XXYLT1: variants seen among roughly 807,000 people sequenced by gnomAD.
XXYLT1 encodes xyloside xylosyltransferase 1, also known as UDP-xylose:alpha-xyloside alpha-1,3-xylosyltransferase.
XXYLT1 carries 20 observed loss-of-function variants against 28.9 expected under a neutral mutation model. The ratio of observed to expected loss-of-function variants is 0.69; its 90% CI spans 0.49 to 1.00. The LOEUF is 1.00. XXYLT1 is among the 50% of genes least tolerant of loss of function. The pLI is 0.00. For synonymous variants in XXYLT1, 257 were observed against 253.8 expected (o/e 1.01, Z -0.12); for missense variants, 542 against 560.1 (o/e 0.97, Z 0.33).
intron 2 of XXYLT1, among the ~76,000 whole-genome samples, chr3:195,194,983 G>A (rs922417187): frequency 6.6e-5 from 10 of 152,182 alleles, no homozygotes; most frequent in African/African-American, 2.2e-4. Flanking sequence ...AATTGTGGTC[G>A]TGGTTACATA....
At position 195,168,343 on chromosome 3, in the gene XXYLT1, G is replaced by A. The variant is rs183531986; in HGVS notation, c.653-11762C>T. 1.0e-3 allele frequency among the ~76,000 whole-genome samples: 157 copies of A among 152,264 alleles called. 2 individuals carry two copies. The highest frequency in any genetic ancestry group is 4.4e-4 in the Non-Finnish European group (30 of 68,014). ...AGACACAGGAGATATACTCTACTGC[G>A]TTGTTCTCACCCATGCCCAGCTAAG... On this transcript the variant is annotated intron_variant, in intron 2 of 3. Coordinates refer to ENST00000310380, the MANE Select transcript of XXYLT1 (RefSeq NM_152531.5). The surrounding 1 kb of genome is among the most constrained non-coding windows in gnomAD (Gnocchi z 4.3).
intron 3 of XXYLT1, among the ~76,000 whole-genome samples, chr3:195,149,025 A>G (rs955570902): frequency 2.0e-5 from 3 of 152,218 alleles, no homozygotes; most frequent in Admixed American, 6.5e-5. Context: ...TGGGGCATCC[A>G]GAAATATTAC....
chr3:195,086,138 AGCTGGCCGC>A lies in XXYLT1; in HGVS notation c.786-16036_786-16028del, dbSNP rs1354051457. On this transcript the variant is annotated intron_variant, in intron 3 of 3. Transcript: ENST00000310380. ...CCAGCTTGCCCCCAGCCTGCCCCAC[AGCTGGCCGC>A]GCTGTGTGCCTCGAAGCCTTACAGC... 2.0e-5 allele frequency: 3 copies of A among 152,336 alleles called. No homozygotes were observed. In the East Asian group the frequency reaches 5.8e-4, roughly 29 times the overall value. The allele number at this position is 152,336 out of a possible 1,614,324, so 9.4% of individuals were successfully genotyped here. A position where few individuals can be genotyped will look rare whatever the true frequency, so the allele number is the denominator to read the frequency against.
chr3:195,260,341 GC>G (rs1725649545), intron 1 of XXYLT1, among the ~76,000 whole-genome samples: 1 of 152,018 alleles, frequency 6.6e-6, no homozygotes, highest in Non-Finnish European at 1.5e-5. Flanking sequence ...CAGACGGGGG[GC>G]CCCGTGCTGA....
chr3:195,263,541 C>G (rs960754070), intron 1 of XXYLT1, among the ~76,000 whole-genome samples: 1 of 152,200 alleles, frequency 6.6e-6, no homozygotes. Flanking sequence ...GCGCCCCTCA[C>G]GCTGTGCCCC....
In XXYLT1 at chr3:195,271,101, G is replaced by A. The variant is rs1178819662; in HGVS notation, c.-43C>T. Reference sequence around the variant, plus strand: ...CGCCAGCGGTGCCAGCAACGCGGGAGAGCCCTCGGGTACCCGGACGCCGGC... The same window carrying A: ...CGCCAGCGGTGCCAGCAACGCGGGAAAGCCCTCGGGTACCCGGACGCCGGC... On this transcript the variant is annotated 5_prime_UTR_variant, in exon 1 of 4. Coordinates refer to ENST00000310380, the MANE Select transcript of XXYLT1 (RefSeq NM_152531.5). 1.5e-6 allele frequency: 2 copies of A among 1,290,470 alleles called. No individual in the cohort carries two copies. The highest frequency in any genetic ancestry group is 2.4e-5 in the South Asian group (1 of 42,296). 79.9% of individuals were successfully genotyped at this position (1,290,470 alleles called of 1,614,324 possible). A position where few individuals can be genotyped will look rare whatever the true frequency, so the allele number is the denominator to read the frequency against.
Position 195,180,896 on chromosome 3 carries a change from T to C in XXYLT1, c.653-24315A>G, listed in dbSNP as rs1721918336. Among the ~76,000 whole-genome samples the C allele has an allele frequency of 6.6e-6, 1 of 152,190 alleles. No individual in the cohort carries two copies. Among genetic ancestry groups the C allele is most frequent in the South Asian group, 2.1e-4 (1 of 4,826 alleles). On this transcript the variant is annotated intron_variant, in intron 2 of 3. Transcript: ENST00000310380. The surrounding 1 kb of genome is among the most constrained non-coding windows in gnomAD (Gnocchi z 5.8). The stretch of plus-strand genomic sequence containing the variant: ...CCTTTAGCTATACAAAAGTAAGTGG[T>C]ATGGTTCATCCCTTCTTGGCTAATG...
intron 3 of XXYLT1, among the ~76,000 whole-genome samples, chr3:195,081,998 C>T (rs866781112): frequency 6.6e-6 from 1 of 152,218 alleles, no homozygotes; most frequent in African/African-American, 2.4e-5. Context: ...TTCCGGGGGG[C>T]GATCACTGAA....
At chr3:195,267,717 C>G (rs1484091079) in intron 1 of XXYLT1, among the ~76,000 whole-genome samples, 1 of 152,068 alleles carries the variant, frequency 6.6e-6, no homozygotes, top group Non-Finnish European at 1.5e-5. Context: ...AGGAACAGTG[C>G]TTGGAGTTTG....
chr3:195,245,053 C>T (rs1234179945), intron 1 of XXYLT1, among the ~76,000 whole-genome samples: 1 of 151,076 alleles, frequency 6.6e-6, no homozygotes, highest in Non-Finnish European at 1.5e-5. Context: ...GTAATCCCAG[C>T]TACTCAGGAG....
rs114945600 is a variant in XXYLT1 at position 195,259,501 on chromosome 3, C to T, written c.504+11054G>A. 4.7e-3 allele frequency: 4,291 copies of T among 910,804 alleles called. 157 individuals carry two copies. The African/African-American group carries it at 0.068, about 14-fold the overall frequency. 56.4% of individuals were successfully genotyped at this position (910,804 alleles called of 1,614,324 possible). A position where few individuals can be genotyped will look rare whatever the true frequency, so the allele number is the denominator to read the frequency against. ...TGAGGAAGGGCAGCAGGGAGGCCTT[C>T]GGGCCCTGCCAGGCGGCCCTTCCAG... On this transcript the variant is annotated intron_variant, in intron 1 of 3. Transcript: ENST00000310380.
chr3:195,138,857 G>GA (rs552573280), intron 3 of XXYLT1, among the ~76,000 whole-genome samples: 284 of 84,004 alleles, frequency 3.4e-3, no homozygotes, highest in Middle Eastern at 0.017. Flanking sequence ...TCTGCCTCAG[G>GA]AAAAAAAAAA....
Position 195,271,108 on chromosome 3 carries a change from C to T in XXYLT1, c.-50G>A. ...GGTGCCAGCAACGCGGGAGAGCCCT[C>T]GGGTACCCGGACGCCGGCGGCCACT... On this transcript the variant is annotated 5_prime_UTR_variant, in exon 1 of 4. Transcript: ENST00000310380. 4 of 1,284,114 alleles carry T rather than the reference C, an allele frequency of 3.1e-6. No homozygotes were observed. The highest frequency in any genetic ancestry group is 2.9e-6 in the Non-Finnish European group (3 of 1,018,326). 79.5% of individuals were successfully genotyped at this position (1,284,114 alleles called of 1,614,324 possible).
chr3:195,079,305 C>G (rs2108645308), intron 3 of XXYLT1, among the ~76,000 whole-genome samples: 1 of 152,138 alleles, frequency 6.6e-6, no homozygotes. Flanking sequence ...CCAGATGGCA[C>G]CTAGAGGCAA....
chr3:195,175,388 C>A (rs1038760874), intron 2 of XXYLT1, among the ~76,000 whole-genome samples: 2 of 152,196 alleles, frequency 1.3e-5, no homozygotes, highest in East Asian at 1.9e-4. Context: ...TGGGGGAATG[C>A]GGACAGAAGG....
chr3:195,212,902 CT>C (rs1723388924), intron 2 of XXYLT1, among the ~76,000 whole-genome samples: 1 of 152,246 alleles, frequency 6.6e-6, no homozygotes, highest in Non-Finnish European at 1.5e-5. Context: ...TCTGAAGCCA[CT>C]TGTTGGTCAG....
intron 3 of XXYLT1, among the ~76,000 whole-genome samples, chr3:195,121,509 G>C (rs943435384): frequency 4.6e-5 from 7 of 152,152 alleles, no homozygotes; most frequent in African/African-American, 1.4e-4. Flanking sequence ...GCCTCTGAAG[G>C]CTCCTCTTTG....
At chr3:195,160,468 AT>A (rs1274758808) in intron 2 of XXYLT1, among the ~76,000 whole-genome samples, 1 of 152,228 alleles carries the variant, frequency 6.6e-6, no homozygotes, top group African/African-American at 2.4e-5. Context: ...GCATTAAGCT[AT>A]GTGACTCCAG....
chr3:195,158,712 G>A (rs1381016214), intron 2 of XXYLT1, among the ~76,000 whole-genome samples: 2 of 152,214 alleles, frequency 1.3e-5, no homozygotes, highest in Admixed American at 6.5e-5. Context: ...TTCTATTCCC[G>A]GAGGCCAACA....
Sources: allele counts gnomAD v4.1 joint callset (sites outside exome capture counted in the v4.1 genomes callset), GRCh38; gene constraint gnomAD v4.1.1; non-coding constraint Gnocchi (gnomAD v3.1); transcripts MANE v1.5; gene names NCBI Gene and HGNC (gene_info 2026-07-23, HGNC 2026-07-21).